The following PDE4D variants were observed in gnomAD, a reference collection of about 807,000 sequenced individuals.
PDE4D encodes the protein 3',5'-cyclic-AMP phosphodiesterase 4D.
In PDE4D, 24 loss-of-function variants were observed where a neutral mutation model predicts 87.4. That is an observed-to-expected ratio of 0.27 (90% CI 0.20 to 0.39). PDE4D has a LOEUF of 0.39. PDE4D is among the 10% of genes least tolerant of loss of function. The pLI, the probability that PDE4D is intolerant of heterozygous loss-of-function variation, is 1.00. For missense variants in PDE4D, 714 were observed against 1,041.0 expected (o/e 0.69, Z 4.32); for synonymous variants, 384 against 383.2 (o/e 1.00, Z -0.02).
At chr5:59,563,476 G>A (rs937267004) in intron 1 of PDE4D, among the ~76,000 whole-genome samples, 2 of 152,216 alleles carry the variant, frequency 1.3e-5, no homozygotes, top group African/African-American at 4.8e-5. Context: ...TCACCTGGGT[G>A]GAAAGGACCC....
intron 3 of PDE4D, among the ~76,000 whole-genome samples, chr5:59,932,737 T>C (rs546413075): frequency 2.0e-5 from 3 of 152,246 alleles, no homozygotes; most frequent in East Asian, 3.9e-4. Flanking sequence ...AGTCGGTAGA[T>C]ACCAAATCGA....
At chr5:59,891,039 G>A (rs968651824) in intron 1 of PDE4D, among the ~76,000 whole-genome samples, 4 of 152,190 alleles carry the variant, frequency 2.6e-5, no homozygotes, top group African/African-American at 7.2e-5. Flanking sequence ...TGCAAGTATT[G>A]TAAAGAATTT....
chr5:59,837,083 A>G (rs1742237629), intron 1 of PDE4D, among the ~76,000 whole-genome samples: 1 of 151,956 alleles, frequency 6.6e-6, no homozygotes, highest in Non-Finnish European at 1.5e-5. Flanking sequence ...TATCGTTTAC[A>G]GTTCTCCATC....
intron 1 of PDE4D, among the ~76,000 whole-genome samples, chr5:60,281,045 T>C (rs1349313038): frequency 2.0e-5 from 3 of 152,190 alleles, no homozygotes; most frequent in Non-Finnish European, 2.9e-5. Flanking sequence ...GGCAGCATTG[T>C]CAAACTAGTT....
At chr5:59,149,548 G>A (rs957589406) in intron 5 of PDE4D, among the ~76,000 whole-genome samples, 1 of 152,008 alleles carries the variant, frequency 6.6e-6, no homozygotes, top group Non-Finnish European at 1.5e-5. Context: ...CGGTTGTAAA[G>A]AGCTTGAATG....
intron 2 of PDE4D, among the ~76,000 whole-genome samples, chr5:60,035,792 T>C (rs114979202): frequency 2.0e-4 from 31 of 152,226 alleles, no homozygotes; most frequent in African/African-American, 7.2e-4. Context: ...AATAATTGGA[T>C]TGCCAAAGCA....
At chr5:59,495,986 C>G (rs1160156884) in intron 1 of PDE4D, among the ~76,000 whole-genome samples, 6 of 152,096 alleles carry the variant, frequency 3.9e-5, no homozygotes, top group East Asian at 1.9e-4. Context: ...ATCACAAGGA[C>G]GAGGGCTTTC....
At chr5:59,116,355 AT>A (rs916624173) in intron 5 of PDE4D, among the ~76,000 whole-genome samples, 1 of 151,830 alleles carries the variant, frequency 6.6e-6, no homozygotes, top group Admixed American at 6.6e-5. Context: ...ATACAAACGA[AT>A]TTTTTTTGCC....
At chr5:59,826,808 C>T (rs1385522428) in intron 1 of PDE4D, among the ~76,000 whole-genome samples, 2 of 152,036 alleles carry the variant, frequency 1.3e-5, no homozygotes, top group Non-Finnish European at 2.9e-5. Context: ...CAAGGAAATG[C>T]TACTATCAAA....
chr5:59,689,954 A>C (rs1750621205), intron 1 of PDE4D, among the ~76,000 whole-genome samples: 1 of 152,158 alleles, frequency 6.6e-6, no homozygotes, highest in Non-Finnish European at 1.5e-5. Flanking sequence ...TCCGAAGTGA[A>C]CTCCAATTCA....
At chr5:58,980,411 G>A (rs931424473) in intron 11 of PDE4D, among the ~76,000 whole-genome samples, 4 of 152,126 alleles carry the variant, frequency 2.6e-5, no homozygotes, top group African/African-American at 4.8e-5. Flanking sequence ...AACCTGAGCA[G>A]TGAACACTAA....
chr5:59,394,696 A>G (rs541097322), intron 1 of PDE4D, among the ~76,000 whole-genome samples: 1 of 152,284 alleles, frequency 6.6e-6, no homozygotes, highest in East Asian at 1.9e-4. Flanking sequence ...TTTAAAATCT[A>G]TCAACTTTAT....
intron 1 of PDE4D, among the ~76,000 whole-genome samples, chr5:59,851,837 A>C (rs889933119): frequency 1.3e-5 from 2 of 151,972 alleles, no homozygotes; most frequent in Admixed American, 1.3e-4. Flanking sequence ...AAGTGACTGA[A>C]TTCTGCCAAC....
intron 5 of PDE4D, among the ~76,000 whole-genome samples, chr5:59,154,908 CAGAT>C (rs1207180253): frequency 5.3e-5 from 8 of 152,066 alleles, no homozygotes; most frequent in Non-Finnish European, 8.8e-5. Flanking sequence ...TATAGACAGA[CAGAT>C]AGATTTGGTA....
chr5:60,283,833 G>C (rs1158024268), intron 1 of PDE4D, among the ~76,000 whole-genome samples: 2 of 152,050 alleles, frequency 1.3e-5, no homozygotes, highest in African/African-American at 4.8e-5. Flanking sequence ...GGAGGCTCAT[G>C]AACTACCATC....
At chr5:59,683,415 T>G (rs746092600) in intron 1 of PDE4D, among the ~76,000 whole-genome samples, 3 of 152,236 alleles carry the variant, frequency 2.0e-5, no homozygotes, top group Admixed American at 6.5e-5. Context: ...TATATTAACT[T>G]TATGGCTTAT....
At chr5:60,339,082 C>A (rs796076276) in intron 1 of PDE4D, among the ~76,000 whole-genome samples, 3 of 152,288 alleles carry the variant, frequency 2.0e-5, no homozygotes, top group Non-Finnish European at 4.4e-5. Flanking sequence ...GATCAAGGTG[C>A]AACAGCAAAA....
chr5:59,856,091 T>C (rs912036632), intron 1 of PDE4D, among the ~76,000 whole-genome samples: 3 of 152,192 alleles, frequency 2.0e-5, no homozygotes, highest in Admixed American at 2.0e-4. Flanking sequence ...AATACCACTA[T>C]TTCCTAGTAA....
chr5:59,239,971 C>T (rs1486310193), intron 1 of PDE4D, among the ~76,000 whole-genome samples: 1 of 152,074 alleles, frequency 6.6e-6, no homozygotes, highest in Non-Finnish European at 1.5e-5. Flanking sequence ...TCTTCTTTCC[C>T]CTTTGAATAC....
Sources: gnomAD v4.1 joint callset for allele counts (sites outside exome capture counted in the v4.1 genomes callset) on GRCh38, gnomAD v4.1.1 for gene constraint, MANE v1.5 for transcripts, NCBI Gene and HGNC (gene_info 2026-07-23, HGNC 2026-07-21) for gene names.